ZNF782: variants seen among roughly 807,000 people sequenced by gnomAD.
The protein encoded by ZNF782 is zinc finger protein 782.
A neutral mutation model predicts 13.0 loss-of-function variants in ZNF782; 12 were observed. The ratio of observed to expected loss-of-function variants is 0.92; its 90% CI spans 0.59 to 1.50. The LOEUF is 1.50. Ranked by LOEUF, ZNF782 falls within the 40% of genes most tolerant of loss-of-function variation. The pLI is 0.00. For missense variants in ZNF782, 770 were observed against 822.9 expected, an observed-to-expected ratio of 0.94 and a Z score of 0.79; for synonymous variants, 284 against 283.0, an observed-to-expected ratio of 1.00 and a Z score of -0.04.
intron 5 of ZNF782, 60 bp from the exon 6 acceptor site, chr9:96,819,838 A>T (rs1193774510): frequency 7.6e-7 from 1 of 1,316,904 alleles, no homozygotes; most frequent in African/African-American, 1.5e-5. Context: ...ATGGAATGGG[A>T]CATATATGTA....
At chr9:96,903,560 T>G in the ZNF782 span, among the ~76,000 whole-genome samples, 5 of 109,630 alleles carry the variant, frequency 4.6e-5, 1 homozygote, top group African/African-American at 2.0e-4. Context: ...ATGTTGGTTT[T>G]TTTTTTTTTT....
chr9:96,891,315 T>C, the ZNF782 span: 1 of 152,338 alleles, frequency 6.6e-6, no homozygotes, highest in South Asian at 2.1e-4. Context: ...AAAAAAATTT[T>C]TGTTTTGCAG....
chr9:96,926,427 C>T, the ZNF782 span, among the ~76,000 whole-genome samples: 1 of 152,272 alleles, frequency 6.6e-6, no homozygotes, highest in South Asian at 2.1e-4. Context: ...GCTTGAATTG[C>T]TCTCCGTTGA....
chr9:96,897,363 T>A, the ZNF782 span, among the ~76,000 whole-genome samples: 3 of 152,130 alleles, frequency 2.0e-5, no homozygotes, highest in Non-Finnish European at 4.4e-5. Flanking sequence ...GGGAGCTGGG[T>A]TTGGAGACGC....
Position 96,819,303 on chromosome 9 carries a change from T to G in ZNF782, c.720A>C (p.Gly240=), listed in dbSNP as rs1563992731. 3.7e-6 allele frequency: 6 copies of G among 1,612,606 alleles called. No individual in the cohort carries two copies. The highest frequency in any genetic ancestry group is 3.3e-4 in the Middle Eastern group (2 of 6,052). ...CAAATTTATTGAAATTGTAAGATTT[T>G]CCTTTTGGGTGGGTACTGTTAGATG... ...LVTSNSTHPK[G]KSYNFNKFGE... The change falls in exon 6 of 6, where the codon GGA becomes GGC. Residue 240 remains glycine, a synonymous_variant. Coordinates refer to ENST00000481138, the MANE Select transcript of ZNF782 (RefSeq NM_001001662.3).
chr9:96,861,726 C>G (rs1851704344), intron 1 of ZNF782: 1 of 154,132 alleles, frequency 6.5e-6, no homozygotes. Context: ...CATCTCACCC[C>G]ATTTAAAATG....
At chr9:96,903,341 T>C in the ZNF782 span, among the ~76,000 whole-genome samples, 1 of 151,916 alleles carries the variant, frequency 6.6e-6, no homozygotes, top group Non-Finnish European at 1.5e-5. Context: ...TCACTCAGAA[T>C]GTTACCTTTG....
At position 96,818,323 on chromosome 9, in the gene ZNF782, C is replaced by T. The variant is rs187889562; in HGVS notation, c.1700G>A (p.Cys567Tyr). 100 of 1,614,168 alleles carry T rather than the reference C, an allele frequency of 6.2e-5. No individual in the cohort carries two copies. Among genetic ancestry groups the T allele is most frequent in the Non-Finnish European group, 9.3e-6 (11 of 1,180,034 alleles). The change falls in exon 6 of 6, where the codon TGT becomes TAT. Residue 567 changes from cysteine (C) to tyrosine (Y), a missense_variant. Physicochemically the swap from Cys to Tyr is radical, Grantham distance 194 (BLOSUM62 -2). Transcript: ENST00000481138. The stretch of plus-strand genomic sequence containing the variant: ...TGATTTCTGACTGAAAGCTTCCCCA[C>T]AATGATTACATTTATAGGGTTTTTC... Reference protein sequence around the residue: ...TGEKPYKCNHCGEAFSQKSNL... With the variant: ...TGEKPYKCNHYGEAFSQKSNL...
the ZNF782 span, chr9:96,893,614 G>A: frequency 6.6e-6 from 1 of 152,050 alleles, no homozygotes; most frequent in Non-Finnish European, 1.5e-5. Flanking sequence ...CAATAGCAAA[G>A]ACTTGGAACC....
At position 96,827,189 on chromosome 9, in the gene ZNF782, T is replaced by A; in HGVS notation, c.143-8A>T. 3.8e-6 allele frequency: 6 copies of A among 1,594,036 alleles called. No individual in the cohort carries two copies. Among genetic ancestry groups the A allele is most frequent in the Non-Finnish European group, 5.1e-6 (6 of 1,166,762 alleles). On this transcript the variant is annotated splice_polypyrimidine_tract_variant and splice_region_variant and intron_variant, in intron 4 of 5. Coordinates refer to ENST00000481138, the MANE Select transcript of ZNF782 (RefSeq NM_001001662.3). Reference sequence around the variant, plus strand: ...GTTTTGTAAAGCAGTAGCCTATAAATGGGAAACAATTTAGCATTTGCATTA... The same window carrying A: ...GTTTTGTAAAGCAGTAGCCTATAAAAGGGAAACAATTTAGCATTTGCATTA...
intron 4 of ZNF782, among the ~76,000 whole-genome samples, chr9:96,844,015 AG>A (rs1851268313): frequency 6.6e-6 from 1 of 152,240 alleles, no homozygotes; most frequent in African/African-American, 2.4e-5. Context: ...GCACATAAAA[AG>A]AGGTTCAATG....
chr9:96,853,187 C>G (rs1188946702), intron 1 of ZNF782, 118 bp from the exon 2 acceptor site: 1 of 152,512 alleles, frequency 6.6e-6, no homozygotes, highest in African/African-American at 2.4e-5. Context: ...GCAGCCTGTC[C>G]CTGGCCACCA....
the ZNF782 span, among the ~76,000 whole-genome samples, chr9:96,882,280 G>T: frequency 3.9e-5 from 6 of 152,134 alleles, no homozygotes; most frequent in South Asian, 4.1e-4. Context: ...GACAGAAGCA[G>T]CTTTAGTTAT....
At chr9:96,912,530 T>C in the ZNF782 span, among the ~76,000 whole-genome samples, 1 of 148,188 alleles carries the variant, frequency 6.7e-6, no homozygotes, top group African/African-American at 2.5e-5. Flanking sequence ...GCTTCTTTTT[T>C]TTCCTTTTAT....
the ZNF782 span, among the ~76,000 whole-genome samples, chr9:96,912,198 GAAAAAAAAAAA>G: frequency 1.8e-5 from 1 of 56,764 alleles, no homozygotes; most frequent in African/African-American, 6.4e-5. Flanking sequence ...ACTCCGTCTC[GAAAAAAAAAAA>G]AAAAAAAAAA....
At chr9:96,871,772 T>G (rs1461771270) in intron 1 of ZNF782, among the ~76,000 whole-genome samples, 4 of 152,248 alleles carry the variant, frequency 2.6e-5, no homozygotes, top group Non-Finnish European at 5.9e-5. Flanking sequence ...AGTGATGCTT[T>G]GTAAATATTT....
chr9:96,925,435 C>T, the ZNF782 span, among the ~76,000 whole-genome samples: 8 of 152,136 alleles, frequency 5.3e-5, no homozygotes, highest in East Asian at 1.2e-3. Context: ...GTCGGGGGTT[C>T]GAGACCAGCC....
chr9:96,833,520 G>C (rs148674603), intron 4 of ZNF782, among the ~76,000 whole-genome samples: 2 of 152,194 alleles, frequency 1.3e-5, no homozygotes, highest in African/African-American at 4.8e-5. Flanking sequence ...GTATTCCTCA[G>C]AGAAAGACCA....
At chr9:96,870,624 A>G (rs1851814026) in intron 1 of ZNF782, among the ~76,000 whole-genome samples, 1 of 152,242 alleles carries the variant, frequency 6.6e-6, no homozygotes, top group Admixed American at 6.5e-5. Flanking sequence ...GAAGGCTCCT[A>G]TGTGAGCTGA....
Sources: gnomAD v4.1 joint callset for allele counts (sites outside exome capture counted in the v4.1 genomes callset) on GRCh38, gnomAD v4.1.1 for gene constraint, MANE v1.5 for transcripts, NCBI Gene and HGNC (gene_info 2026-07-23, HGNC 2026-07-21) for gene names.